Variants in ACAT1 observed in about 807,000 individuals in gnomAD.
ACAT1 encodes acetyl-CoA acetyltransferase 1.
In ACAT1, 28 loss-of-function variants were observed where a neutral mutation model predicts 47.3. That is an observed-to-expected ratio of 0.59 (90% CI 0.44 to 0.81). The LOEUF is 0.81. Ranked by LOEUF, ACAT1 falls within the 30% of genes least tolerant of loss-of-function variation. ACAT1 has a pLI of 0.00. For synonymous variants in ACAT1, 181 were observed against 173.6 expected (o/e 1.04, Z -0.34); for missense variants, 469 against 524.3 (o/e 0.89, Z 1.03).
Position 108,141,606 on chromosome 11 carries a change from T to C in ACAT1, c.732T>C (p.Gly244=). The C allele has an allele frequency of 6.2e-7, 1 of 1,610,780 alleles. No individual in the cohort carries two copies. Among genetic ancestry groups the C allele is most frequent in the South Asian group, 1.1e-5 (1 of 91,016 alleles). The change falls in exon 8 of 12, where the codon GGT becomes GGC. Residue 244 remains glycine (G), a splice_region_variant and synonymous_variant. Coordinates refer to ENST00000265838, the MANE Select transcript of ACAT1 (RefSeq NM_000019.4). ...EVIPVTVTVK[G]QPDVVVKEDE... ...TTACTTAAAATATTTTTATTTTAGGTCAACCAGATGTAGTGGTGAAAGAAG... is the reference window on the plus strand; with the variant it reads ...TTACTTAAAATATTTTTATTTTAGGCCAACCAGATGTAGTGGTGAAAGAAG...
At chr11:108,119,730 G>A (rs1026785619), upstream of ACAT1, among the ~76,000 whole-genome samples, 2 of 151,632 alleles carry the variant, frequency 1.3e-5, no homozygotes, top group Non-Finnish European at 2.9e-5. Flanking sequence ...AATAATTCTC[G>A]AAGCAGCCCA....
chr11:108,132,846 T>C (rs1405660678), intron 2 of ACAT1, among the ~76,000 whole-genome samples: 6 of 56,200 alleles, frequency 1.1e-4, no homozygotes, highest in East Asian at 5.0e-4. Flanking sequence ...AGAGCAAAAC[T>C]CCATCTCAAA....
intron 2 of ACAT1, among the ~76,000 whole-genome samples, chr11:108,132,413 A>G (rs1323185955): frequency 6.6e-6 from 1 of 152,236 alleles, no homozygotes; most frequent in Non-Finnish European, 1.5e-5. Context: ...AATCTAAGCA[A>G]CCATTCTGTT....
intron 11 of ACAT1, 91 bp downstream of exon 11, chr11:108,146,450 A>T: frequency 6.8e-7 from 1 of 1,474,960 alleles, no homozygotes; most frequent in Admixed American, 1.8e-5. Context: ...CATTGCTCTT[A>T]AGTTTTCCTT....
At position 108,146,146 on chromosome 11, in the gene ACAT1, C is replaced by CAGTA. The variant is rs1357316122; in HGVS notation, c.1006-52_1006-49dup. The CAGTA allele has an allele frequency of 1.5e-4, 200 of 1,377,018 alleles. 1 individual carries two copies. In the East Asian group the frequency reaches 4.4e-3, roughly 30 times the overall value. The allele number at this position is 1,377,018 out of a possible 1,614,324, so 85.3% of individuals were successfully genotyped here. ...CTGTAGTATTTCAAGGAAATGATGA[C>CAGTA]AGTAAGTTGTGATTGCTAATTATTT... On this transcript the variant is annotated intron_variant, in intron 10 of 11. Coordinates refer to ENST00000265838, the MANE Select transcript of ACAT1 (RefSeq NM_000019.4).
chr11:108,137,258 G>A (rs955487563), intron 5 of ACAT1, among the ~76,000 whole-genome samples: 17 of 152,166 alleles, frequency 1.1e-4, no homozygotes, highest in African/African-American at 3.6e-4. Flanking sequence ...GGTGGATGGG[G>A]AAAGTGCAGA....
rs1591353342 is a variant in ACAT1, at chr11:108,124,482, C to T, written c.72+2804C>T. ...TTCACCATGTTGGTCAGGATGGGCT[C>T]GAACTCCTGACCAGCTCACCAGGTG... On this transcript the variant is annotated intron_variant, in intron 1 of 11. Transcript: ENST00000265838. Among the ~76,000 whole-genome samples, 5 of 152,112 alleles carry T rather than the reference C, an allele frequency of 3.3e-5. No homozygotes were observed. In the South Asian group the frequency reaches 1.0e-3, roughly 32 times the overall value.
intron 10 of ACAT1, among the ~76,000 whole-genome samples, chr11:108,144,650 A>G (rs1345539212): frequency 6.6e-6 from 1 of 151,932 alleles, no homozygotes; most frequent in Non-Finnish European, 1.5e-5. Context: ...CAGATAAAAA[A>G]AATTGCAGAA....
At chr11:108,122,817 A>G (rs1192687450) in intron 1 of ACAT1, among the ~76,000 whole-genome samples, 2 of 152,160 alleles carry the variant, frequency 1.3e-5, no homozygotes, top group East Asian at 1.9e-4. Context: ...CAAGAAAGTA[A>G]TTAGGTTATC....
chr11:108,132,293 A>G (rs1027755072), intron 2 of ACAT1, among the ~76,000 whole-genome samples: 11 of 152,150 alleles, frequency 7.2e-5, no homozygotes, highest in Non-Finnish European at 1.3e-4. Context: ...GAGGGAGTGG[A>G]CCAGTTGGGA....
chr11:108,134,312 TGC>T lies in ACAT1; in HGVS notation c.331_332del (p.Ala111ArgfsTer65). 6.2e-7 allele frequency: 1 copy of T among 1,612,926 alleles called. No homozygotes were observed. Among genetic ancestry groups the T allele is most frequent in the Non-Finnish European group, 8.5e-7 (1 of 1,179,356 alleles). On this transcript the variant is annotated frameshift_variant and splice_region_variant, in exon 4 of 12. Transcript: ENST00000265838. LOFTEE classifies it high-confidence loss of function. ...CTCCTACAAGGCAGGCAGTATTGGG[TGC>T]AGGTACCTGGAAGACTTTTTTGCTT... ...QAPTRQAVLGAGLPISTPCTT... is the reference protein window; with the variant it reads ...QAPTRQAVLGXGLPISTPCTT...
At chr11:108,120,355 T>A (rs1357575526), upstream of ACAT1, among the ~76,000 whole-genome samples, 2 of 151,952 alleles carry the variant, frequency 1.3e-5, no homozygotes, top group Non-Finnish European at 2.9e-5. Flanking sequence ...ATTAAAAAAA[T>A]TAGCATGGTG....
chr11:108,125,992 T>C lies in ACAT1; in HGVS notation c.72+4314T>C, dbSNP rs536547280. ...CAGCCATGGAGAGCTGGGAAGACTT[T>C]TTGTTTTGTTTTGTTTTTGATTTTT... On this transcript the variant is annotated intron_variant, in intron 1 of 11. Coordinates refer to ENST00000265838, the MANE Select transcript of ACAT1 (RefSeq NM_000019.4). Among the ~76,000 whole-genome samples the C allele has an allele frequency of 1.2e-3, 186 of 152,010 alleles. 1 individual carries two copies. Among genetic ancestry groups the C allele is most frequent in the Non-Finnish European group, 2.3e-3 (153 of 67,960 alleles).
At chr11:108,121,361 T>TCGTTGA, upstream of ACAT1, 1 of 582,026 alleles carries the variant, frequency 1.7e-6, no homozygotes, top group Non-Finnish European at 3.1e-6. Flanking sequence ...TGTCAGGTGC[T>TCGTTGA]CGTTGACCCC....
chr11:108,125,556 A>G (rs530331354), intron 1 of ACAT1, among the ~76,000 whole-genome samples: 1 of 152,312 alleles, frequency 6.6e-6, no homozygotes, highest in Non-Finnish European at 1.5e-5. Context: ...TATTCATATA[A>G]AAGAGAGGAA....
At chr11:108,134,120 AG>A in intron 3 of ACAT1, 100 bp from the exon 4 acceptor site, 1 of 1,263,006 alleles carries the variant, frequency 7.9e-7, no homozygotes, top group South Asian at 1.3e-5. Flanking sequence ...GACAAAAAAA[AG>A]AAACCATTCC....
chr11:108,146,504 TATCCAATACTGAACAGAGACCTGTCAC>T, intron 11 of ACAT1, 145 bp downstream of exon 11: 1 of 793,582 alleles, frequency 1.3e-6, no homozygotes, highest in Non-Finnish European at 2.1e-6. Flanking sequence ...TGATAGATGG[TATCCAATACTGAACAGAGACCTGTCAC>T]ATCTGTTATT....
chr11:108,133,680 T>G, intron 2 of ACAT1, 140 bp from the exon 3 acceptor site: 1 of 700,780 alleles, frequency 1.4e-6, no homozygotes, highest in Non-Finnish European at 2.5e-6. Context: ...ACTGATTATC[T>G]TGACAGCTGT....
chr11:108,125,723 C>A (rs532319729), intron 1 of ACAT1, among the ~76,000 whole-genome samples: 2 of 152,020 alleles, frequency 1.3e-5, no homozygotes, highest in South Asian at 4.2e-4. Flanking sequence ...GTCAGGAGAT[C>A]GAGACTATCC....
Sources: gnomAD v4.1 joint callset for allele counts (sites outside exome capture counted in the v4.1 genomes callset) on GRCh38, gnomAD v4.1.1 for gene constraint, MANE v1.5 for transcripts, NCBI Gene and HGNC (gene_info 2026-07-23, HGNC 2026-07-21) for gene names.